The following ANO3 variants were observed in gnomAD, a reference collection of about 807,000 sequenced individuals.
ANO3 encodes anoctamin 3, also known as anoctamin-3.
In ANO3, 99 loss-of-function variants were observed where a neutral mutation model predicts 144.8. The observed-to-expected ratio is 0.68, with a 90% CI of 0.58 to 0.81. ANO3 has a LOEUF of 0.81. Ranked by LOEUF, ANO3 falls within the 30% of genes least tolerant of loss-of-function variation. ANO3 has a pLI of 0.00. For missense variants in ANO3, 905 were observed against 1,202.2 expected (o/e 0.75, Z 3.66); for synonymous variants, 414 against 392.6 (o/e 1.05, Z -0.64).
chr11:26,568,964 A>C (rs1850709046), intron 14 of ANO3, among the ~76,000 whole-genome samples: 1 of 151,898 alleles, frequency 6.6e-6, no homozygotes, highest in Non-Finnish European at 1.5e-5. Context: ...CTCTATATCT[A>C]GTTGTTTTGC....
intron 1 of ANO3, among the ~76,000 whole-genome samples, chr11:26,190,280 C>T (rs977270619): frequency 3.9e-5 from 6 of 152,020 alleles, no homozygotes; most frequent in Non-Finnish European, 7.4e-5. Flanking sequence ...TATTATATAA[C>T]CCCCAGTCAA....
intron 1 of ANO3, among the ~76,000 whole-genome samples, chr11:26,429,109 AT>A (rs1230308068): frequency 1.3e-5 from 2 of 152,102 alleles, no homozygotes. Flanking sequence ...GGTAAGCGCA[AT>A]TCATTGAGAA....
At chr11:26,604,890 A>T (rs1851893414) in intron 17 of ANO3, among the ~76,000 whole-genome samples, 1 of 152,150 alleles carries the variant, frequency 6.6e-6, no homozygotes, top group Non-Finnish European at 1.5e-5. Flanking sequence ...CTCTCTTTCT[A>T]TTCGAATACC....
At chr11:26,281,672 T>C (rs1348520089) in intron 1 of ANO3, among the ~76,000 whole-genome samples, 1 of 152,194 alleles carries the variant, frequency 6.6e-6, no homozygotes, top group Non-Finnish European at 1.5e-5. Context: ...AATAAAAATA[T>C]TTTGTCAGGA....
At chr11:26,193,295 C>T (rs1448109374) in intron 1 of ANO3, among the ~76,000 whole-genome samples, 2 of 152,000 alleles carry the variant, frequency 1.3e-5, no homozygotes, top group African/African-American at 2.4e-5. Flanking sequence ...GCATGCACCA[C>T]CACGCCCGGC....
intron 1 of ANO3, among the ~76,000 whole-genome samples, chr11:26,233,417 G>A (rs1308304109): frequency 6.6e-6 from 1 of 152,120 alleles, no homozygotes; most frequent in Non-Finnish European, 1.5e-5. Flanking sequence ...ACTTAGGATG[G>A]CTATCTTTAA....
At chr11:26,610,407 T>G (rs955270195) in intron 17 of ANO3, among the ~76,000 whole-genome samples, 21 of 152,082 alleles carry the variant, frequency 1.4e-4, no homozygotes, top group South Asian at 8.3e-4. Context: ...GGTTATTTGT[T>G]TTTTTGTTGT....
chr11:26,224,265 C>A (rs1232555325), intron 1 of ANO3, among the ~76,000 whole-genome samples: 1 of 152,192 alleles, frequency 6.6e-6, no homozygotes. Flanking sequence ...GGCCAACAGG[C>A]CCCGTACAAT....
chr11:26,258,831 G>A (rs1294696959), intron 1 of ANO3, among the ~76,000 whole-genome samples: 1 of 152,072 alleles, frequency 6.6e-6, no homozygotes, highest in Non-Finnish European at 1.5e-5. Context: ...CTTTCAAGAT[G>A]GTTCAAATTT....
At chr11:26,634,591 C>T (rs1397852824) in intron 19 of ANO3, among the ~76,000 whole-genome samples, 7 of 152,080 alleles carry the variant, frequency 4.6e-5, no homozygotes, top group Non-Finnish European at 1.5e-5. Context: ...CATTTTTCCA[C>T]CTTTAGTGCA....
At chr11:26,538,872 G>A (rs439065) in intron 10 of ANO3, among the ~76,000 whole-genome samples, 108,107 of 151,940 alleles carry the variant, frequency 0.71, 38,762 homozygotes, top group East Asian at 0.84. Flanking sequence ...TTTAAATGCT[G>A]CTACTTGAGG....
intron 4 of ANO3, among the ~76,000 whole-genome samples, chr11:26,480,259 G>A (rs1217777371): frequency 1.3e-5 from 2 of 152,194 alleles, no homozygotes; most frequent in African/African-American, 4.8e-5. Flanking sequence ...CTGAGCCTCT[G>A]CTGGGGGTGC....
intron 17 of ANO3, among the ~76,000 whole-genome samples, chr11:26,604,741 C>G (rs59747833): frequency 0.15 from 23,487 of 151,880 alleles, 2,095 homozygotes; most frequent in East Asian, 0.33. Flanking sequence ...TATAGGAATG[C>G]TTGTGATTTT....
At chr11:26,281,515 T>C (rs1424952523) in intron 1 of ANO3, among the ~76,000 whole-genome samples, 2 of 152,094 alleles carry the variant, frequency 1.3e-5, no homozygotes, top group East Asian at 3.9e-4. Context: ...ACACTTAAAC[T>C]AAAATTAACA....
chr11:26,315,157 C>T (rs1230871080), intron 1 of ANO3, among the ~76,000 whole-genome samples: 1 of 151,754 alleles, frequency 6.6e-6, no homozygotes, highest in African/African-American at 2.4e-5. Flanking sequence ...AGATGAAGAG[C>T]AATTCATCTT....
intron 1 of ANO3, among the ~76,000 whole-genome samples, chr11:26,414,583 C>G (rs1236030321): frequency 2.6e-5 from 4 of 151,528 alleles, no homozygotes; most frequent in Non-Finnish European, 5.9e-5. Flanking sequence ...CACACTGGGG[C>G]CTGTCGAGGG....
At chr11:26,520,398 G>A (rs452497) in intron 6 of ANO3, among the ~76,000 whole-genome samples, 150,525 of 152,300 alleles carry the variant, frequency 0.99, 74,412 homozygotes, top group Middle Eastern at 1. Context: ...CATGGAACAT[G>A]TGCAGTTACT....
At chr11:26,207,532 A>G (rs1851829624) in intron 1 of ANO3, among the ~76,000 whole-genome samples, 1 of 152,190 alleles carries the variant, frequency 6.6e-6, no homozygotes, top group African/African-American at 2.4e-5. Context: ...CTCATTAAGT[A>G]CTTATTCAGT....
intron 17 of ANO3, among the ~76,000 whole-genome samples, chr11:26,615,543 T>A (rs1026579069): frequency 6.6e-6 from 1 of 151,940 alleles, no homozygotes; most frequent in African/African-American, 2.4e-5. Context: ...GAGCTGTAAT[T>A]TCTGGATCTT....
Sources: allele counts gnomAD v4.1 joint callset (sites outside exome capture counted in the v4.1 genomes callset), GRCh38; gene constraint gnomAD v4.1.1; transcripts MANE v1.5; gene names NCBI Gene and HGNC (gene_info 2026-07-23, HGNC 2026-07-21).